PLCL2: variants seen among roughly 807,000 people sequenced by gnomAD.
PLCL2 encodes the protein phospholipase C like 2.
In PLCL2, 4 loss-of-function variants were observed where a neutral mutation model predicts 79.6. The observed-to-expected ratio is 0.05, with a 90% CI of 0.02 to 0.11. The LOEUF is 0.11. PLCL2 is among the 10% of genes least tolerant of loss of function. The pLI is 1.00. For synonymous variants in PLCL2, 484 were observed against 457.7 expected (o/e 1.06, Z -0.73); for missense variants, 895 against 1,291.0 (o/e 0.69, Z 4.70).
intron 5 of PLCL2, among the ~76,000 whole-genome samples, chr3:17,079,231 A>G (rs1366065813): frequency 6.6e-6 from 1 of 150,922 alleles, no homozygotes; most frequent in Non-Finnish European, 1.5e-5. Flanking sequence ...CAGCTGGGCC[A>G]CCCTCCCCTC....
chr3:17,032,130 A>G (rs896630969), intron 3 of PLCL2, among the ~76,000 whole-genome samples: 1 of 152,106 alleles, frequency 6.6e-6, no homozygotes, highest in African/African-American at 2.4e-5. Flanking sequence ...ATATTTTCCA[A>G]AAATTTAGAG....
At chr3:16,961,088 G>T (rs1302832267) in intron 1 of PLCL2, among the ~76,000 whole-genome samples, 1 of 152,166 alleles carries the variant, frequency 6.6e-6, no homozygotes, top group Non-Finnish European at 1.5e-5. Flanking sequence ...TGCTGTTGAG[G>T]TATATGTCCT....
rs777737236 is a variant in PLCL2, at chr3:17,052,259, G to GT, written c.3094+9310_3094+9311insT. On this transcript the variant is annotated intron_variant, in intron 4 of 5. Transcript: ENST00000615277. Reference sequence around the variant, plus strand: ...GGCAAAAAAAAAAAAAAAAATTGGGGGGGGGTGAAGGTCTCAGGTTATGGA... The same window carrying GT: ...GGCAAAAAAAAAAAAAAAAATTGGGGTGGGGGTGAAGGTCTCAGGTTATGGA... Among the ~76,000 whole-genome samples the GT allele has an allele frequency of 1.1e-3, 164 of 149,272 alleles. 1 individual carries two copies. The highest frequency in any genetic ancestry group is 2.1e-3 in the Non-Finnish European group (139 of 66,862).
chr3:16,956,023 C>T (rs1296777787), intron 1 of PLCL2, among the ~76,000 whole-genome samples: 1 of 152,070 alleles, frequency 6.6e-6, no homozygotes, highest in African/African-American at 2.4e-5. Context: ...CCTTGATTTC[C>T]TTCTCCTGCC....
chr3:17,035,973 T>C (rs918835019), intron 3 of PLCL2, among the ~76,000 whole-genome samples: 1 of 152,132 alleles, frequency 6.6e-6, no homozygotes, highest in Non-Finnish European at 1.5e-5. Flanking sequence ...TAGGGTTTTT[T>C]CCCCCCTATA....
At chr3:16,895,371 G>T (rs1394299950) in intron 1 of PLCL2, among the ~76,000 whole-genome samples, 1 of 151,966 alleles carries the variant, frequency 6.6e-6, no homozygotes, top group African/African-American at 2.4e-5. Context: ...TTCATGTTTA[G>T]ATCTGGATTT....
chr3:17,046,457 G>A (rs145831785), intron 4 of PLCL2, among the ~76,000 whole-genome samples: 3 of 152,206 alleles, frequency 2.0e-5, no homozygotes, highest in East Asian at 3.9e-4. Flanking sequence ...ATAGGAAGAC[G>A]ATCAAGAAGG....
chr3:17,017,092 T>C (rs1045657938), intron 3 of PLCL2, among the ~76,000 whole-genome samples: 2 of 152,216 alleles, frequency 1.3e-5, no homozygotes, highest in African/African-American at 4.8e-5. Context: ...ATGGCACTCA[T>C]AGCAATATTC....
At position 17,010,503 on chromosome 3, in the gene PLCL2, A is replaced by C; in HGVS notation, c.1157A>C (p.His386Pro). ...GAGGAAATAAGCCTTGAAATTATTCACAAATATGAACCATCCAAAGAGGGT... is the reference window on the plus strand; with the variant it reads ...GAGGAAATAAGCCTTGAAATTATTCCCAAATATGAACCATCCAAAGAGGGT... ...INEEISLEII[H>P]KYEPSKEGQE... is the part of the protein sequence containing the mutation. The change falls in exon 2 of 6, where the codon CAC becomes CCC. Residue 386 changes from histidine (H) to proline (P), a missense_variant. This residue lies in a region of PLCL2 where 242 missense variants were observed against 399.5 expected (regional missense o/e 0.61). Coordinates refer to ENST00000615277, the MANE Select transcript of PLCL2 (RefSeq NM_001144382.2). This position sits in a 1 kb window ranked among gnomAD's most constrained non-coding sequence, Gnocchi z 5.8. 1 of 1,614,094 alleles carries C rather than the reference A, an allele frequency of 6.2e-7. No individual in the cohort carries two copies. The highest frequency in any genetic ancestry group is 8.5e-7 in the Non-Finnish European group (1 of 1,179,970).
At chr3:16,925,313 A>G (rs751351843) in intron 1 of PLCL2, among the ~76,000 whole-genome samples, 45 of 151,758 alleles carry the variant, frequency 3.0e-4, no homozygotes, top group Non-Finnish European at 4.0e-4. Context: ...GTTTGCACAT[A>G]TATTTATCTT....
chr3:16,993,194 CAT>C (rs2064121244), intron 1 of PLCL2, among the ~76,000 whole-genome samples: 1 of 152,214 alleles, frequency 6.6e-6, no homozygotes, highest in African/African-American at 2.4e-5. Context: ...GTAGGATGAT[CAT>C]ATGTTTCAGT....
chr3:16,960,420 C>T (rs1455475510), intron 1 of PLCL2, among the ~76,000 whole-genome samples: 2 of 152,220 alleles, frequency 1.3e-5, no homozygotes, highest in East Asian at 1.9e-4. Context: ...ATAGGAAGCA[C>T]TAATCATCTA....
chr3:17,057,870 C>T (rs559776306), intron 4 of PLCL2, among the ~76,000 whole-genome samples: 13 of 152,256 alleles, frequency 8.5e-5, no homozygotes, highest in Middle Eastern at 3.4e-3. Context: ...TACAGAATGC[C>T]GCATATTTAT....
intron 4 of PLCL2, among the ~76,000 whole-genome samples, chr3:17,045,024 G>GCCT (rs2064766174): frequency 6.6e-6 from 1 of 152,150 alleles, no homozygotes; most frequent in Admixed American, 6.5e-5. Context: ...ACTGATGAAC[G>GCCT]CCTACACAGC....
chr3:16,927,801 T>C (rs1479015313), intron 1 of PLCL2, among the ~76,000 whole-genome samples: 1 of 152,106 alleles, frequency 6.6e-6, no homozygotes, highest in Admixed American at 6.6e-5. Flanking sequence ...GCACCACTCA[T>C]GTTGGAGGGG....
At position 17,090,225 on chromosome 3, in the gene PLCL2, A is replaced by G. The variant is rs971187071; in HGVS notation, c.*313A>G. ...CCACTGAGAAACATTTTCCTAAGTG[A>G]AAACAATTTCTTAAGATGGAAATGG... On this transcript the variant is annotated 3_prime_UTR_variant, in exon 6 of 6. Coordinates refer to ENST00000615277, the MANE Select transcript of PLCL2 (RefSeq NM_001144382.2). 3 of 1,025,100 alleles carry G rather than the reference A, an allele frequency of 2.9e-6. No homozygotes were observed. The highest frequency in any genetic ancestry group is 3.4e-5 in the African/African-American group (2 of 59,010). 63.5% of individuals were successfully genotyped at this position (1,025,100 alleles called of 1,614,324 possible).
chr3:16,890,020 A>G (rs1696310486), intron 1 of PLCL2, among the ~76,000 whole-genome samples: 1 of 152,308 alleles, frequency 6.6e-6, no homozygotes, highest in African/African-American at 2.4e-5. Flanking sequence ...AGAAAAATCT[A>G]ATGGCCAATC....
intron 1 of PLCL2, among the ~76,000 whole-genome samples, chr3:16,967,142 C>T (rs2063815886): frequency 6.6e-6 from 1 of 151,944 alleles, no homozygotes; most frequent in Admixed American, 6.6e-5. Flanking sequence ...GTATATGTAC[C>T]ACATTTTCTT....
intron 3 of PLCL2, among the ~76,000 whole-genome samples, chr3:17,036,897 G>A (rs2124915160): frequency 6.6e-6 from 1 of 152,326 alleles, no homozygotes; most frequent in East Asian, 1.9e-4. Flanking sequence ...GGGCATGCTA[G>A]CTGAATGCTG....
Sources: gnomAD v4.1 joint callset for allele counts (sites outside exome capture counted in the v4.1 genomes callset) on GRCh38, gnomAD v4.1.1 for gene constraint, gnomAD v4.1.1 regional missense constraint, Gnocchi (gnomAD v3.1) non-coding constraint, MANE v1.5 for transcripts, NCBI Gene and HGNC (gene_info 2026-07-23, HGNC 2026-07-21) for gene names.